EPX: variants seen among roughly 807,000 people sequenced by gnomAD.
The protein encoded by EPX is eosinophil peroxidase.
In EPX, 60 loss-of-function variants were observed where a neutral mutation model predicts 73.0. The observed-to-expected ratio is 0.82, with a 90% CI of 0.67 to 1.02. The LOEUF is 1.02. Among genes scored for constraint, EPX ranks in the 50% least tolerant of loss-of-function variants. The pLI is 0.00. For missense variants in EPX, 950 were observed against 973.9 expected, an observed-to-expected ratio of 0.98 and a Z score of 0.33; for synonymous variants, 347 against 389.2, an observed-to-expected ratio of 0.89 and a Z score of 1.28.
Position 58,203,207 on chromosome 17 carries a change from T to C in EPX, c.1835T>C (p.Ile612Thr), listed in dbSNP as rs372133441. The change falls in exon 11 of 13, where the codon ATT (isoleucine) becomes ACT (threonine). Residue 612 changes from isoleucine to threonine, a missense_variant. Coordinates refer to ENST00000225371, the MANE Select transcript of EPX (RefSeq NM_000502.6). ...FLNLYGTPDN[I>T]DIWIGAIAEP... is the part of the protein sequence containing the mutation. ...AATTTGTATGGAACACCTGACAACATTGACATCTGGATTGGGGCCATCGCT... is the reference window on the plus strand; with the variant it reads ...AATTTGTATGGAACACCTGACAACACTGACATCTGGATTGGGGCCATCGCT... The C allele has an allele frequency of 2.7e-5, 44 of 1,614,024 alleles. No homozygotes were observed. The highest frequency in any genetic ancestry group is 1.6e-4 in the Middle Eastern group (1 of 6,084).
rs567848038 is a variant in EPX, at chr17:58,203,931, CAAAAAAAAAAAAAAAAAAAA to C, written c.1947-271_1947-252del. Among the ~76,000 whole-genome samples, 16 of 15,776 alleles carry C rather than the reference CAAAAAAAAAAAAAAAAAAAA, an allele frequency of 1.0e-3. 1 individual carries two copies. The East Asian group carries it at 0.024, about 24-fold the overall frequency. The allele number at this position is 15,776 out of a possible 152,430, so 10.3% of individuals were successfully genotyped here. ...TGGGCGACAGAGCGAGACTCCGTCT[CAAAAAAAAAAAAAAAAAAAA>C]AAAAAAAAAAAAAAAAAAAGACCTG... On this transcript the variant is annotated intron_variant, in intron 11 of 12. Transcript: ENST00000225371.
intron 11 of EPX, among the ~76,000 whole-genome samples, chr17:58,203,911 G>A (rs752105609): frequency 1.4e-3 from 151 of 106,760 alleles, no homozygotes; most frequent in Non-Finnish European, 1.8e-3. Context: ...CAGCCTGGGC[G>A]ACAGAGCGAG....
Position 58,193,481 on chromosome 17 carries a change from A to C in EPX, c.281A>C (p.His94Pro). The change falls in exon 3 of 13, where the codon CAT (histidine) becomes CCT (proline). Residue 94 changes from histidine (H) to proline (P), a missense_variant. Physicochemically the swap from His to Pro is moderately conservative, Grantham distance 77. Transcript: ENST00000225371. Reference sequence around the variant, plus strand: ...GTTGTTCGGGCCGCAGATTATATGCATGTGGCTTTGGGGCTGCTTGAAGAG... The same window carrying C: ...GTTGTTCGGGCCGCAGATTATATGCCTGTGGCTTTGGGGCTGCTTGAAGAG... ...RTVVRAADYM[H>P]VALGLLEEKL... The C allele has an allele frequency of 6.2e-7, 1 of 1,614,184 alleles. No individual in the cohort carries two copies. The highest frequency in any genetic ancestry group is 8.5e-7 in the Non-Finnish European group (1 of 1,180,014).
In EPX at chr17:58,192,888, C is replaced by A; in HGVS notation, c.42C>A (p.Leu14=). 3 of 1,614,138 alleles carry A rather than the reference C, an allele frequency of 1.9e-6. No individual in the cohort carries two copies. The highest frequency in any genetic ancestry group is 2.5e-6 in the Non-Finnish European group (3 of 1,179,982). The change falls in exon 1 of 13, where the codon CTC becomes CTA. Residue 14 remains leucine (L), a synonymous_variant. Transcript: ENST00000225371. ...LPALAGVLAT[L]VLAQPCEGTD... ...CCCTGGCAGGGGTCCTGGCCACACT[C>A]GTCCTCGCCCAGCCCTGTGAGGGCA... is the stretch of plus-strand genomic sequence containing the variant.
chr17:58,195,318 C>T, intron 6 of EPX, 148 bp downstream of exon 6: 1 of 729,986 alleles, frequency 1.4e-6, no homozygotes, highest in Non-Finnish European at 2.4e-6. Flanking sequence ...AGAAACACAG[C>T]TGAGCAGAGA....
intron 6 of EPX, among the ~76,000 whole-genome samples, chr17:58,196,463 C>A (rs141809705): frequency 6.6e-6 from 1 of 152,178 alleles, no homozygotes; most frequent in Non-Finnish European, 1.5e-5. Context: ...AGTTTCTTAA[C>A]TCTATGTGTG....
chr17:58,202,049 G>T (rs1968349127), intron 10 of EPX, among the ~76,000 whole-genome samples: 1 of 152,212 alleles, frequency 6.6e-6, no homozygotes, highest in African/African-American at 2.4e-5. Flanking sequence ...AAGTGACCCT[G>T]AAGCCTATGG....
In EPX at chr17:58,203,219, T is replaced by A. The variant is rs764184479; in HGVS notation, c.1847T>A (p.Ile616Asn). 14 of 1,614,180 alleles carry A rather than the reference T, an allele frequency of 8.7e-6. No homozygotes were observed. In the Middle Eastern group the frequency reaches 4.9e-4, roughly 57 times the overall value. Reference protein sequence around the residue: ...YGTPDNIDIWIGAIAEPLLPG... With the variant: ...YGTPDNIDIWNGAIAEPLLPG... Reference sequence around the variant, plus strand: ...ACACCTGACAACATTGACATCTGGATTGGGGCCATCGCTGAGCCTCTTTTG... The same window carrying A: ...ACACCTGACAACATTGACATCTGGAATGGGGCCATCGCTGAGCCTCTTTTG... Residue 616 changes from isoleucine (I) to asparagine (N), a missense_variant, in exon 11 of 13, where the codon ATT becomes AAT. Physicochemically the swap from Ile to Asn is moderately radical, Grantham distance 149 (BLOSUM62 -3). Transcript: ENST00000225371.
Position 58,204,818 on chromosome 17 carries a change from A to T in EPX, c.*94A>T. Reference sequence around the variant, plus strand: ...TGCCTTGTCTCCCTGGAGCAAGTGCAGGCTGCTGACGCTTCTGCTGGCTAC... The same window carrying T: ...TGCCTTGTCTCCCTGGAGCAAGTGCTGGCTGCTGACGCTTCTGCTGGCTAC... On this transcript the variant is annotated 3_prime_UTR_variant, in exon 13 of 13. Coordinates refer to ENST00000225371, the MANE Select transcript of EPX (RefSeq NM_000502.6). The T allele has an allele frequency of 3.9e-6, 1 of 255,654 alleles. No individual in the cohort carries two copies. The highest frequency in any genetic ancestry group is 5.3e-5 in the South Asian group (1 of 18,914). 15.8% of individuals were successfully genotyped at this position (255,654 alleles called of 1,614,324 possible).
chr17:58,197,774 T>A (rs1349517021), intron 7 of EPX, among the ~76,000 whole-genome samples: 1 of 152,222 alleles, frequency 6.6e-6, no homozygotes, highest in Non-Finnish European at 1.5e-5. Context: ...CCTCAGGGTC[T>A]TTTGTCCCAT....
rs1968190276 is a variant in EPX at position 58,192,734 on chromosome 17, GGAGGAAGTGA to G, written c.-108_-99del. On this transcript the variant is annotated 5_prime_UTR_variant, in exon 1 of 13. Coordinates refer to ENST00000225371, the MANE Select transcript of EPX (RefSeq NM_000502.6). ...TCCCAGCTACGTCCAGAGAAGAGCT[GGAGGAAGTGA>G]GAGGTCGGCTGGGGGTCCTCAAAGT... The G allele has an allele frequency of 2.3e-6, 2 of 887,852 alleles. No homozygotes were observed. The highest frequency in any genetic ancestry group is 5.3e-5 in the East Asian group (2 of 38,058). 55.0% of individuals were successfully genotyped at this position (887,852 alleles called of 1,614,324 possible).
chr17:58,193,418 T>C lies in EPX; in HGVS notation c.218T>C (p.Leu73Pro). 2 of 1,614,204 alleles carry C rather than the reference T, an allele frequency of 1.2e-6. No homozygotes were observed. Among genetic ancestry groups the C allele is most frequent in the Non-Finnish European group, 1.7e-6 (2 of 1,180,028 alleles). The change falls in exon 3 of 13, where the codon CTG becomes CCG. Residue 73 changes from leucine (L) to proline (P), a missense_variant. By Grantham distance (98) the Leu-to-Pro change is moderately conservative. Coordinates refer to ENST00000225371, the MANE Select transcript of EPX (RefSeq NM_000502.6). ...RSGSASPMDLLSYFKQPVAAT... is the reference protein window; with the variant it reads ...RSGSASPMDLPSYFKQPVAAT... ...GGTTCAGCCAGCCCCATGGACCTCC[T>C]GTCCTACTTCAAACAACCGGTAGCA...
In EPX at chr17:58,197,099, T is replaced by C; in HGVS notation, c.962T>C (p.Leu321Pro). The C allele has an allele frequency of 6.2e-7, 1 of 1,614,194 alleles. No homozygotes were observed. Among genetic ancestry groups the C allele is most frequent in the Non-Finnish European group, 8.5e-7 (1 of 1,180,036 alleles). ...ATGGTGTATGGCAGTGAGGTCTCCC[T>C]CTCGCTGCGGCTCCGCAACCGGACC... is the stretch of plus-strand genomic sequence containing the variant. ...ASMVYGSEVS[L>P]SLRLRNRTNY... is the part of the protein sequence containing the mutation. The change falls in exon 7 of 13, where the codon CTC becomes CCC. Residue 321 changes from leucine to proline, a missense_variant. Coordinates refer to ENST00000225371, the MANE Select transcript of EPX (RefSeq NM_000502.6).
Position 58,199,325 on chromosome 17 carries a change from C to T in EPX, c.1281+125C>T, listed in dbSNP as rs1377579431. The T allele has an allele frequency of 6.8e-6, 8 of 1,171,868 alleles. No homozygotes were observed. The Admixed American group carries it at 1.2e-4, about 17-fold the overall frequency. The allele number at this position is 1,171,868 out of a possible 1,614,324, so 72.6% of individuals were successfully genotyped here. A position where few individuals can be genotyped will look rare whatever the true frequency, so the allele number is the denominator to read the frequency against. On this transcript the variant is annotated intron_variant, in intron 8 of 12. Transcript: ENST00000225371. Reference sequence around the variant, plus strand: ...TGGGCAACTGGCGGAGCACCTGGACCTGTCCTCTGGCCCCGATTCTGCCTC... The same window carrying T: ...TGGGCAACTGGCGGAGCACCTGGACTTGTCCTCTGGCCCCGATTCTGCCTC...
At position 58,203,236 on chromosome 17, in the gene EPX, C is replaced by T; in HGVS notation, c.1864C>T (p.Pro622Ser). The change falls in exon 11 of 13, where the codon CCT becomes TCT. Residue 622 changes from proline (P) to serine (S), a missense_variant. Coordinates refer to ENST00000225371, the MANE Select transcript of EPX (RefSeq NM_000502.6). ...CATCTGGATTGGGGCCATCGCTGAG[C>T]CTCTTTTGCCGGGGGCTCGAGTGGG... is the stretch of plus-strand genomic sequence containing the variant. ...IDIWIGAIAE[P>S]LLPGARVGPL... 6.2e-7 allele frequency: 1 copy of T among 1,614,164 alleles called. No individual in the cohort carries two copies. The highest frequency in any genetic ancestry group is 1.1e-5 in the South Asian group (1 of 91,088).
rs1385839775 is a variant in EPX at position 58,193,351 on chromosome 17, ACTC to A, written c.171-13_171-11del. The stretch of plus-strand genomic sequence containing the variant: ...GGTCTGCACCCTCTCTCCAGCCCTC[ACTC>A]CTCCTCTCCTGGGCAGCATCAAGCA... On this transcript the variant is annotated splice_polypyrimidine_tract_variant and intron_variant, in intron 2 of 12. Coordinates refer to ENST00000225371, the MANE Select transcript of EPX (RefSeq NM_000502.6). The A allele has an allele frequency of 6.2e-7, 1 of 1,612,440 alleles. No individual in the cohort carries two copies. Among genetic ancestry groups the A allele is most frequent in the South Asian group, 1.1e-5 (1 of 91,008 alleles).
chr17:58,201,037 T>C (rs1172804943), intron 10 of EPX, among the ~76,000 whole-genome samples: 1 of 152,234 alleles, frequency 6.6e-6, no homozygotes, highest in Non-Finnish European at 1.5e-5. Flanking sequence ...TTGCCCAAGA[T>C]CACATAAATA....
rs201419733 is a variant in EPX at position 58,197,048 on chromosome 17, C to T, written c.911C>T (p.Ala304Val). 2.0e-5 allele frequency: 33 copies of T among 1,614,062 alleles called. No homozygotes were observed. The highest frequency in any genetic ancestry group is 1.6e-4 in the Middle Eastern group (1 of 6,082). ...AACAGAGTCCGCAACCAGATCAACGCGCTCACCTCCTTTGTGGACGCCAGC... is the reference window on the plus strand; with the variant it reads ...AACAGAGTCCGCAACCAGATCAACGTGCTCACCTCCTTTGTGGACGCCAGC... Reference protein sequence around the residue: ...NKNRVRNQINALTSFVDASMV... With the variant: ...NKNRVRNQINVLTSFVDASMV... Residue 304 changes from alanine to valine, a missense_variant, in exon 7 of 13, where the codon GCG becomes GTG. Physicochemically the swap from Ala to Val is moderately conservative, Grantham distance 64. Coordinates refer to ENST00000225371, the MANE Select transcript of EPX (RefSeq NM_000502.6).
chr17:58,204,200 A>G, intron 11 of EPX, 22 bp from the exon 12 acceptor site: 5 of 1,589,996 alleles, frequency 3.1e-6, no homozygotes, highest in Non-Finnish European at 4.3e-6. Context: ...GCCTTCACCC[A>G]CATCTCTCGA....
Sources: gnomAD v4.1 joint callset for allele counts (sites outside exome capture counted in the v4.1 genomes callset) on GRCh38, gnomAD v4.1.1 for gene constraint, MANE v1.5 for transcripts, NCBI Gene and HGNC (gene_info 2026-07-23, HGNC 2026-07-21) for gene names.